Variants in NLK observed in about 807,000 individuals in gnomAD.
NLK encodes the protein serine/threonine-protein kinase NLK.
NLK carries 11 observed loss-of-function variants against 59.0 expected under a neutral mutation model. That is an observed-to-expected ratio of 0.19 (90% CI 0.12 to 0.31). The LOEUF (loss-of-function observed/expected upper bound fraction) is 0.31. Ranked by LOEUF, NLK falls within the 10% of genes least tolerant of loss-of-function variation. NLK has a pLI of 1.00. For synonymous variants in NLK, 235 were observed against 235.9 expected, an observed-to-expected ratio of 1.00 and a Z score of 0.03; for missense variants, 410 against 661.1, an observed-to-expected ratio of 0.62 and a Z score of 4.16.
intron 3 of NLK, among the ~76,000 whole-genome samples, chr17:28,135,113 A>G (rs893496028): frequency 6.6e-6 from 1 of 152,174 alleles, no homozygotes; most frequent in East Asian, 1.9e-4. Flanking sequence ...TAGCATTCCT[A>G]TCAGTGTGTA....
intron 3 of NLK, among the ~76,000 whole-genome samples, chr17:28,146,578 A>G (rs1025508731): frequency 1.4e-4 from 21 of 152,212 alleles, no homozygotes; most frequent in African/African-American, 3.1e-4. Context: ...AATGTTATCA[A>G]GCTACTAAGT....
intron 1 of NLK, among the ~76,000 whole-genome samples, chr17:28,058,076 T>C (rs550125912): frequency 6.6e-6 from 1 of 152,306 alleles, no homozygotes; most frequent in South Asian, 2.1e-4. Flanking sequence ...GTGGTTCTGT[T>C]GAGTCAACCC....
At chr17:28,064,507 T>C (rs1226574433) in intron 1 of NLK, among the ~76,000 whole-genome samples, 3 of 152,120 alleles carry the variant, frequency 2.0e-5, no homozygotes, top group African/African-American at 7.2e-5. Context: ...GAGGGTAGAC[T>C]GGGAACAAAA....
chr17:28,153,662 G>C (rs1034641915), intron 3 of NLK, among the ~76,000 whole-genome samples: 1 of 152,148 alleles, frequency 6.6e-6, no homozygotes, highest in African/African-American at 2.4e-5. Flanking sequence ...GATGGCAATT[G>C]TGAAATTTTT....
chr17:28,158,168 GTATAACC>G (rs1287271994), intron 3 of NLK, among the ~76,000 whole-genome samples: 1 of 152,166 alleles, frequency 6.6e-6, no homozygotes, highest in Non-Finnish European at 1.5e-5. Context: ...AAGCTGTATG[GTATAACC>G]TATTCCTCTT....
intron 1 of NLK, among the ~76,000 whole-genome samples, chr17:28,081,225 G>T (rs911242663): frequency 2.8e-4 from 43 of 152,084 alleles, no homozygotes; most frequent in Admixed American, 1.4e-3. Context: ...TTGAGACAGG[G>T]TCTCACTTTG....
At chr17:28,187,069 CA>C (rs1197402312) in intron 8 of NLK, among the ~76,000 whole-genome samples, 3 of 152,154 alleles carry the variant, frequency 2.0e-5, no homozygotes, top group Non-Finnish European at 2.9e-5. Flanking sequence ...ATATGGTTAA[CA>C]AAACTAGAGC....
chr17:28,046,614 C>T (rs1909063786), intron 1 of NLK, among the ~76,000 whole-genome samples: 1 of 152,102 alleles, frequency 6.6e-6, no homozygotes, highest in South Asian at 2.1e-4. Context: ...ATAAATCTAC[C>T]TTTTTGTCTG....
chr17:28,192,597 G>A (rs1342033550), intron 10 of NLK, among the ~76,000 whole-genome samples: 1 of 152,084 alleles, frequency 6.6e-6, no homozygotes, highest in Non-Finnish European at 1.5e-5. Flanking sequence ...GAACCCGGGA[G>A]GCAGAGGTTG....
chr17:28,203,200 C>CACACACACACACACACAG, the NLK span, among the ~76,000 whole-genome samples: 121 of 151,076 alleles, frequency 8.0e-4, 1 homozygote, highest in African/African-American at 2.9e-3. Flanking sequence ...CACACACACA[C>CACACACACACACACACAG]AGTCTCAGTC....
chr17:28,061,341 G>C (rs1909627018), intron 1 of NLK, among the ~76,000 whole-genome samples: 1 of 152,222 alleles, frequency 6.6e-6, no homozygotes, highest in South Asian at 2.1e-4. Flanking sequence ...AACGAACCCA[G>C]AGATGATTTT....
intron 3 of NLK, among the ~76,000 whole-genome samples, chr17:28,136,036 G>A (rs561996087): frequency 3.9e-5 from 6 of 152,236 alleles, no homozygotes; most frequent in African/African-American, 7.2e-5. Context: ...ATTTCAACCC[G>A]TTTCATCAGT....
intron 1 of NLK, among the ~76,000 whole-genome samples, chr17:28,058,348 G>C (rs543897131): frequency 2.0e-5 from 3 of 152,294 alleles, no homozygotes; most frequent in East Asian, 1.9e-4. Flanking sequence ...GTCTCTGTAG[G>C]TGGGCAAACT....
intron 3 of NLK, among the ~76,000 whole-genome samples, chr17:28,134,294 A>C (rs975962526): frequency 2.6e-5 from 4 of 151,922 alleles, no homozygotes; most frequent in Non-Finnish European, 5.9e-5. Flanking sequence ...CCAGCCACTC[A>C]AGAGGCTGAG....
At chr17:28,052,012 AT>A (rs953309164) in intron 1 of NLK, among the ~76,000 whole-genome samples, 2 of 149,892 alleles carry the variant, frequency 1.3e-5, no homozygotes, top group Non-Finnish European at 3.0e-5. Flanking sequence ...TTAAATGTTC[AT>A]TTTTTTTTCA....
At chr17:28,119,723 A>G (rs1905941881) in intron 1 of NLK, among the ~76,000 whole-genome samples, 2 of 152,228 alleles carry the variant, frequency 1.3e-5, no homozygotes, top group African/African-American at 4.8e-5. Flanking sequence ...ACACAGTTAC[A>G]AAGGGAAAAA....
intron 1 of NLK, among the ~76,000 whole-genome samples, chr17:28,117,462 A>G (rs1306400658): frequency 6.6e-6 from 1 of 152,158 alleles, no homozygotes; most frequent in Non-Finnish European, 1.5e-5. Context: ...GTCTCACTAC[A>G]GATTAGAATG....
intron 1 of NLK, among the ~76,000 whole-genome samples, chr17:28,101,513 G>T (rs1904901618): frequency 6.6e-6 from 1 of 152,094 alleles, no homozygotes; most frequent in South Asian, 2.1e-4. Context: ...AAATTTATTT[G>T]TGAGTATTTT....
At chr17:28,094,639 A>G (rs1047977467) in intron 1 of NLK, among the ~76,000 whole-genome samples, 3 of 152,204 alleles carry the variant, frequency 2.0e-5, no homozygotes, top group Non-Finnish European at 2.9e-5. Flanking sequence ...CATTATTTAT[A>G]GTCTTTGAGG....
Sources: gnomAD v4.1 joint callset for allele counts (sites outside exome capture counted in the v4.1 genomes callset) on GRCh38, gnomAD v4.1.1 for gene constraint, MANE v1.5 for transcripts, NCBI Gene and HGNC (gene_info 2026-07-23, HGNC 2026-07-21) for gene names.